The following PCDHA1 variants were observed in gnomAD, a reference collection of about 807,000 sequenced individuals.
The protein encoded by PCDHA1 is protocadherin alpha 1.
In PCDHA1, 42 loss-of-function variants were observed where a neutral mutation model predicts 61.3. The observed-to-expected ratio is 0.69, with a 90% CI of 0.54 to 0.89. PCDHA1 has a LOEUF of 0.89. PCDHA1 is among the 40% of genes least tolerant of loss of function. PCDHA1 has a pLI of 0.00. For missense variants in PCDHA1, 1,256 were observed against 1,235.3 expected (o/e 1.02, Z -0.25); for synonymous variants, 610 against 553.8 (o/e 1.10, Z -1.43).
chr5:140,824,554 T>C (rs1311403031), intron 1 of PCDHA1: 1 of 179,802 alleles, frequency 5.6e-6, no homozygotes, highest in African/African-American at 2.4e-5. Flanking sequence ...TGGGCTCAAG[T>C]GATCCTCCTA....
intron 3 of PCDHA1, among the ~76,000 whole-genome samples, chr5:140,985,373 C>G (rs1228293287): frequency 6.6e-6 from 1 of 152,106 alleles, no homozygotes. Flanking sequence ...TTATCTGGGT[C>G]TATATAATCC....
chr5:140,797,324 A>G, intron 1 of PCDHA1: 1 of 1,614,192 alleles, frequency 6.2e-7, no homozygotes. Flanking sequence ...GAAGAGAAAC[A>G]GCTCTCAGAA....
rs2150474836 is a variant in PCDHA1 at position 140,850,234 on chromosome 5, T to C, written c.2394+61550T>C. ...GGCACTGACGGCGCAGTGAGCGAGA[T>C]GGTGCTGCGGTCGGTGGGCGCCGGC... On this transcript the variant is annotated intron_variant, in intron 1 of 3. Transcript: ENST00000504120. The C allele has an allele frequency of 3.1e-6, 5 of 1,593,808 alleles. 1 individual carries two copies. The highest frequency in any genetic ancestry group is 4.3e-6 in the Non-Finnish European group (5 of 1,167,454).
chr5:140,883,658 G>C (rs573544891), intron 1 of PCDHA1: 2 of 1,613,994 alleles, frequency 1.2e-6, no homozygotes, highest in African/African-American at 2.7e-5. Context: ...CACGGTGTTC[G>C]TGAAGGAAAA....
Position 140,844,332 on chromosome 5 carries a change from G to C in PCDHA1, c.2394+55648G>C, listed in dbSNP as rs2150370679. On this transcript the variant is annotated intron_variant, in intron 1 of 3. Coordinates refer to ENST00000504120, the MANE Select transcript of PCDHA1 (RefSeq NM_018900.4). ...TTCTTCCTAATTTTATTATAAACTA[G>C]TTAAAAAGTAAAATCAAGAGGGAAG... Among the ~76,000 whole-genome samples the C allele has an allele frequency of 8.0e-5, 12 of 149,222 alleles. 2 individuals carry two copies. The highest frequency in any genetic ancestry group is 1.8e-4 in the Non-Finnish European group (12 of 66,748).
At chr5:140,884,637 A>G in intron 1 of PCDHA1, 2 of 1,610,636 alleles carry the variant, frequency 1.2e-6, no homozygotes, top group Non-Finnish European at 1.7e-6. Flanking sequence ...GGCCAGAGGG[A>G]GGAGGACTCA....
At chr5:140,888,118 T>C (rs2061702019) in intron 1 of PCDHA1, among the ~76,000 whole-genome samples, 1 of 152,228 alleles carries the variant, frequency 6.6e-6, no homozygotes, top group Non-Finnish European at 1.5e-5. Context: ...TCTATCTTCT[T>C]CTATGGATAT....
intron 1 of PCDHA1, among the ~76,000 whole-genome samples, chr5:140,820,691 T>C (rs1379555443): frequency 1.3e-5 from 2 of 152,116 alleles, no homozygotes; most frequent in Non-Finnish European, 2.9e-5. Context: ...AATAAAATGA[T>C]ATTCTTTTCA....
At chr5:140,945,001 G>A (rs2093722890) in intron 1 of PCDHA1, among the ~76,000 whole-genome samples, 1 of 151,990 alleles carries the variant, frequency 6.6e-6, no homozygotes, top group African/African-American at 2.4e-5. Context: ...ACGGTTGTGG[G>A]TCATGAATTA....
chr5:140,972,957 C>T (rs369707081), intron 1 of PCDHA1, among the ~76,000 whole-genome samples: 1 of 152,054 alleles, frequency 6.6e-6, no homozygotes, highest in East Asian at 1.9e-4. Context: ...CCACCATGCC[C>T]GGCAAAGGAA....
intron 1 of PCDHA1, among the ~76,000 whole-genome samples, chr5:140,917,639 C>T (rs151007423): frequency 1.6e-4 from 25 of 152,268 alleles, no homozygotes; most frequent in African/African-American, 5.8e-4. Flanking sequence ...AGCTAGTTAT[C>T]CCAGCAATAT....
chr5:140,834,611 G>A, intron 1 of PCDHA1: 1 of 1,614,162 alleles, frequency 6.2e-7, no homozygotes, highest in Non-Finnish European at 8.5e-7. Context: ...ATCTTCTGGA[G>A]GTAAATCTGC....
Position 140,892,511 on chromosome 5 carries a change from C to T in PCDHA1, c.2395-86438C>T, listed in dbSNP as rs115588708. Among the ~76,000 whole-genome samples the T allele has an allele frequency of 8.0e-3, 1,214 of 152,282 alleles. 6 individuals carry two copies. Among genetic ancestry groups the T allele is most frequent in the African/African-American group, 0.019 (784 of 41,558 alleles). On this transcript the variant is annotated intron_variant, in intron 1 of 3. Coordinates refer to ENST00000504120, the MANE Select transcript of PCDHA1 (RefSeq NM_018900.4). ...TGAGAGATTGTTTAAGAAGTTCCAC[C>T]ATGACTGGTAGACTCAGGATTCTGA...
intron 1 of PCDHA1, chr5:140,828,598 C>A (rs2150157215): frequency 1.9e-5 from 30 of 1,614,080 alleles, no homozygotes; most frequent in Non-Finnish European, 2.3e-5. Context: ...CCATCTTAAC[C>A]TATAAACTCA....
intron 1 of PCDHA1, chr5:140,805,348 A>C: frequency 1.6e-6 from 2 of 1,213,388 alleles, no homozygotes; most frequent in Non-Finnish European, 1.0e-6. Context: ...CATTTTGTAA[A>C]AATATAGTTT....
chr5:140,904,619 T>C (rs1554191627), intron 1 of PCDHA1, among the ~76,000 whole-genome samples: 1 of 152,126 alleles, frequency 6.6e-6, no homozygotes, highest in African/African-American at 2.4e-5. Context: ...GTTTTACTTT[T>C]AGTTCTTTAA....
intron 1 of PCDHA1, among the ~76,000 whole-genome samples, chr5:140,962,354 A>G (rs80298031): frequency 0.023 from 3,560 of 152,266 alleles, 46 homozygotes; most frequent in Middle Eastern, 0.034. Context: ...ACTCCCCCCA[A>G]TACTGGCTAG....
chr5:140,929,232 G>A lies in PCDHA1; in HGVS notation c.2395-49717G>A, dbSNP rs782109734. On this transcript the variant is annotated intron_variant, in intron 1 of 3. Coordinates refer to ENST00000504120, the MANE Select transcript of PCDHA1 (RefSeq NM_018900.4). ...GTGGGGAGTACAATGCTGCCGACCTGCGAAATCTTGCCACTGGGGTAGGAC... is the reference window on the plus strand; with the variant it reads ...GTGGGGAGTACAATGCTGCCGACCTACGAAATCTTGCCACTGGGGTAGGAC... 2.5e-6 allele frequency: 4 copies of A among 1,613,756 alleles called. No individual in the cohort carries two copies. In the Admixed American group the frequency reaches 5.0e-5, roughly 20 times the overall value.
intron 3 of PCDHA1, 51 bp downstream of exon 3, chr5:140,982,614 G>T (rs1283279622): frequency 6.3e-7 from 1 of 1,596,658 alleles, no homozygotes; most frequent in Non-Finnish European, 8.5e-7. Flanking sequence ...AAAGTGATCA[G>T]ATGACCTACT....
Sources: allele counts gnomAD v4.1 joint callset (sites outside exome capture counted in the v4.1 genomes callset), GRCh38; gene constraint gnomAD v4.1.1; transcripts MANE v1.5; gene names NCBI Gene and HGNC (gene_info 2026-07-23, HGNC 2026-07-21).